PPP1R37: variants seen among roughly 807,000 people sequenced by gnomAD.
PPP1R37 encodes protein phosphatase 1 regulatory subunit 37, also known as leucine rich repeat containing 68.
In PPP1R37, 21 loss-of-function variants were observed where a neutral mutation model predicts 61.0. The ratio of observed to expected loss-of-function variants is 0.34; its 90% CI spans 0.24 to 0.50. PPP1R37 has a LOEUF of 0.50. Ranked by LOEUF, PPP1R37 falls within the 20% of genes least tolerant of loss-of-function variation. The pLI is 0.98. For missense variants in PPP1R37, 910 were observed against 952.7 expected, an observed-to-expected ratio of 0.96 and a Z score of 0.59; for synonymous variants, 443 against 433.5, an observed-to-expected ratio of 1.02 and a Z score of -0.27.
intron 1 of PPP1R37, among the ~76,000 whole-genome samples, chr19:45,107,105 C>T (rs1355677197): frequency 2.0e-5 from 3 of 151,750 alleles, no homozygotes; most frequent in Admixed American, 6.6e-5. Context: ...CATGAGCCAC[C>T]GTGCCCAGCT....
chr19:45,134,721 G>A (rs989333404), intron 1 of PPP1R37, among the ~76,000 whole-genome samples: 43 of 151,946 alleles, frequency 2.8e-4, no homozygotes, highest in African/African-American at 8.7e-4. Flanking sequence ...CACCACGCCC[G>A]GCTAATTTTT....
intron 1 of PPP1R37, chr19:45,128,472 C>CAGCAGCAGGCCCAGAGGCAGT: frequency 1.5e-6 from 1 of 667,168 alleles, no homozygotes; most frequent in Admixed American, 2.6e-5. Flanking sequence ...GTAGAGGCAG[C>CAGCAGCAGGCCCAGAGGCAGT]GGCAGCAGCA....
chr19:45,106,581 G>A (rs148916444), intron 1 of PPP1R37, among the ~76,000 whole-genome samples: 3 of 152,164 alleles, frequency 2.0e-5, no homozygotes, highest in Non-Finnish European at 4.4e-5. Context: ...TGTCGCCCAG[G>A]CTGGAGTGCA....
chr19:45,095,809 T>G (rs1967985742), intron 1 of PPP1R37, among the ~76,000 whole-genome samples: 1 of 151,228 alleles, frequency 6.6e-6, no homozygotes, highest in Non-Finnish European at 1.5e-5. Context: ...AGCCAAGTCC[T>G]TGGGCTCTAG....
In PPP1R37 at chr19:45,121,738, G is replaced by A. The variant is rs77489621; in HGVS notation, c.203-16776G>A. Among the ~76,000 whole-genome samples, 60 of 152,328 alleles carry A rather than the reference G, an allele frequency of 3.9e-4. 1 individual carries two copies. The East Asian group carries it at 0.01, about 26-fold the overall frequency. On this transcript the variant is annotated intron_variant, in intron 1 of 12. Coordinates refer to ENST00000221462, the MANE Select transcript of PPP1R37 (RefSeq NM_019121.2). This position sits in a 1 kb window ranked among gnomAD's most constrained non-coding sequence, Gnocchi z 4.2. ...CTGGGGCCTCCACGGGCGTCATTCT[G>A]TGGTTGCTCCAGGATTGGACTTAGA...
At chr19:45,143,654 AGGGAG>A in intron 8 of PPP1R37, 21 bp downstream of exon 8, 1 of 1,451,960 alleles carries the variant, frequency 6.9e-7, no homozygotes, top group Non-Finnish European at 9.3e-7. Flanking sequence ...CTGGCAGGGA[AGGGAG>A]GCACCTCGGT....
At chr19:45,140,422 G>A (rs1001749721) in intron 3 of PPP1R37, 84 bp from the exon 4 acceptor site, 5 of 1,258,790 alleles carry the variant, frequency 4.0e-6, no homozygotes, top group African/African-American at 1.5e-5. Context: ...CTGGTGGGGG[G>A]TGGGAGGTTG....
Position 45,145,150 on chromosome 19 carries a change from C to T in PPP1R37, c.1186C>T (p.Leu396Phe), listed in dbSNP as rs1433530182. The change falls in exon 10 of 13, where the codon CTT (leucine) becomes TTT (phenylalanine). Residue 396 changes from leucine to phenylalanine, a missense_variant. By Grantham distance (22) the Leu-to-Phe change is conservative. Coordinates refer to ENST00000221462, the MANE Select transcript of PPP1R37 (RefSeq NM_019121.2). ...AESPRLLRLDLRENEIKTGGL... is the reference protein window; with the variant it reads ...AESPRLLRLDFRENEIKTGGL... ...GAGCCCCCGCCTCCTGAGACTGGACCTTCGGGAGAACGAGATCAAGACAGG... is the reference window on the plus strand; with the variant it reads ...GAGCCCCCGCCTCCTGAGACTGGACTTTCGGGAGAACGAGATCAAGACAGG... 1 of 1,535,154 alleles carries T rather than the reference C, an allele frequency of 6.5e-7. No individual in the cohort carries two copies. The highest frequency in any genetic ancestry group is 2.4e-5 in the East Asian group (1 of 40,868).
In PPP1R37 at chr19:45,130,522, T is replaced by G. The variant is rs1599705573; in HGVS notation, c.203-7992T>G. Reference sequence around the variant, plus strand: ...CGGGGTTTGCACAGGGACTGCGCAGTGGGCCTCCTGAATGAAGACCCAGAC... The same window carrying G: ...CGGGGTTTGCACAGGGACTGCGCAGGGGGCCTCCTGAATGAAGACCCAGAC... On this transcript the variant is annotated intron_variant, in intron 1 of 12. Transcript: ENST00000221462. The surrounding 1 kb of genome is among the most constrained non-coding windows in gnomAD (Gnocchi z 4.4). Among the ~76,000 whole-genome samples, 1 of 152,142 alleles carries G rather than the reference T, an allele frequency of 6.6e-6. No individual in the cohort carries two copies. Among genetic ancestry groups the G allele is most frequent in the African/African-American group, 2.4e-5 (1 of 41,438 alleles).
At chr19:45,107,119 G>A (rs1968142352) in intron 1 of PPP1R37, among the ~76,000 whole-genome samples, 1 of 151,968 alleles carries the variant, frequency 6.6e-6, no homozygotes, top group Non-Finnish European at 1.5e-5. Context: ...CCCAGCTGAT[G>A]TTGAGCATCT....
At position 45,142,113 on chromosome 19, in the gene PPP1R37, C is replaced by G. The variant is rs558677254; in HGVS notation, c.620C>G (p.Ser207Trp). 6.5e-6 allele frequency: 10 copies of G among 1,534,206 alleles called. No individual in the cohort carries two copies. Among genetic ancestry groups the G allele is most frequent in the South Asian group, 3.6e-5 (3 of 83,922 alleles). Residue 207 changes from serine (S) to tryptophan (W), a missense_variant, in exon 6 of 13, where the codon TCG (serine) becomes TGG (tryptophan). Physicochemically the swap from Ser to Trp is radical, Grantham distance 177. This residue lies in a region of PPP1R37 where 280 missense variants were observed against 382.2 expected (regional missense o/e 0.73). Coordinates refer to ENST00000221462, the MANE Select transcript of PPP1R37 (RefSeq NM_019121.2). ...CGCAACACGCCCCTGCTGGACCACT[C>G]GGCGCCCTTCGTGGCCCGTGCCCTG... Reference protein sequence around the residue: ...DARNTPLLDHSAPFVARALRI... With the variant: ...DARNTPLLDHWAPFVARALRI...
chr19:45,142,679 G>A, intron 7 of PPP1R37: 1 of 564,084 alleles, frequency 1.8e-6, no homozygotes, highest in Non-Finnish European at 3.1e-6. Context: ...CAGTCTGGGG[G>A]CCAGGGAGGG....
intron 4 of PPP1R37, among the ~76,000 whole-genome samples, chr19:45,140,894 C>G (rs1968602521): frequency 1.3e-5 from 2 of 152,174 alleles, no homozygotes; most frequent in South Asian, 4.1e-4. Flanking sequence ...AGGAACCACG[C>G]TGGAGGGTCC....
Position 45,138,477 on chromosome 19 carries a change from G to A in PPP1R37, c.203-37G>A, listed in dbSNP as rs1006555683. ...TGGAGCCCCATGAAGGACTCGGGGT[G>A]TGGACAGTCACAGGCCTGGGTCCCC... On this transcript the variant is annotated intron_variant, in intron 1 of 12. Coordinates refer to ENST00000221462, the MANE Select transcript of PPP1R37 (RefSeq NM_019121.2). 5.6e-5 allele frequency: 82 copies of A among 1,473,904 alleles called. No individual in the cohort carries two copies. In the East Asian group the frequency reaches 1.3e-3, roughly 23 times the overall value. 91.3% of individuals were successfully genotyped at this position (1,473,904 alleles called of 1,614,324 possible). A position where few individuals can be genotyped will look rare whatever the true frequency, so the allele number is the denominator to read the frequency against.
In PPP1R37 at chr19:45,107,455, T is replaced by G. The variant is rs576585072; in HGVS notation, c.202+13928T>G. On this transcript the variant is annotated intron_variant, in intron 1 of 12. Transcript: ENST00000221462. Reference sequence around the variant, plus strand: ...CATCTCTATAAAAAAATGTAAAAAATTAACCAAGCCTGGTGGCTCATGCCT... The same window carrying G: ...CATCTCTATAAAAAAATGTAAAAAAGTAACCAAGCCTGGTGGCTCATGCCT... Among the ~76,000 whole-genome samples, 20 of 152,066 alleles carry G rather than the reference T, an allele frequency of 1.3e-4. No homozygotes were observed. The South Asian group carries it at 3.7e-3, about 28-fold the overall frequency.
intron 1 of PPP1R37, among the ~76,000 whole-genome samples, chr19:45,108,214 T>G (rs1462448590): frequency 6.6e-6 from 1 of 152,088 alleles, no homozygotes; most frequent in African/African-American, 2.4e-5. Flanking sequence ...CTTTTGAGGT[T>G]TAAACCATGG....
chr19:45,145,135 C>T lies in PPP1R37; in HGVS notation c.1171C>T (p.Leu391Phe). 3.3e-6 allele frequency: 5 copies of T among 1,534,882 alleles called. No individual in the cohort carries two copies. Among genetic ancestry groups the T allele is most frequent in the South Asian group, 1.2e-5 (1 of 84,044 alleles). The change falls in exon 10 of 13, where the codon CTC becomes TTC. Residue 391 changes from leucine to phenylalanine, a missense_variant. By Grantham distance (22) the Leu-to-Phe change is conservative. Transcript: ENST00000221462. The stretch of plus-strand genomic sequence containing the variant: ...GGAGTTCATCGCTGAGAGCCCCCGC[C>T]TCCTGAGACTGGACCTTCGGGAGAA... Reference protein sequence around the residue: ...VAEFIAESPRLLRLDLRENEI... With the variant: ...VAEFIAESPRFLRLDLRENEI...
In PPP1R37 at chr19:45,127,957, A is replaced by G. The variant is rs553761603; in HGVS notation, c.203-10557A>G. Among the ~76,000 whole-genome samples, 185 of 149,640 alleles carry G rather than the reference A, an allele frequency of 1.2e-3. 2 individuals carry two copies. The highest frequency in any genetic ancestry group is 4.5e-3 in the African/African-American group (180 of 40,144). ...GCCACTACACTCCAGCCTGGGCAAC[A>G]GAGCGAGACTCCATCTCAAAAAAAA... On this transcript the variant is annotated intron_variant, in intron 1 of 12. Transcript: ENST00000221462.
intron 1 of PPP1R37, among the ~76,000 whole-genome samples, chr19:45,110,787 C>T (rs1968190242): frequency 6.6e-6 from 1 of 152,220 alleles, no homozygotes; most frequent in Admixed American, 6.5e-5. Flanking sequence ...TGGTTTCCAT[C>T]ACTGGAGCCT....
Sources: allele counts gnomAD v4.1 joint callset (sites outside exome capture counted in the v4.1 genomes callset), GRCh38; gene constraint gnomAD v4.1.1; regional missense constraint gnomAD v4.1.1; non-coding constraint Gnocchi (gnomAD v3.1); transcripts MANE v1.5; gene names NCBI Gene and HGNC (gene_info 2026-07-23, HGNC 2026-07-21).